The following CDRT15L2 variants were observed in gnomAD, a reference collection of about 807,000 sequenced individuals.
CDRT15L2 encodes the protein CMT1A duplicated region transcript 15 protein-like protein.
A neutral mutation model predicts 21.5 loss-of-function variants in CDRT15L2; 13 were observed. The ratio of observed to expected loss-of-function variants is 0.60; its 90% CI spans 0.39 to 0.96. CDRT15L2 has a LOEUF of 0.96. CDRT15L2 is among the 40% of genes least tolerant of loss of function. CDRT15L2 has a pLI of 0.00. For missense variants in CDRT15L2, 292 were observed against 354.8 expected (o/e 0.82, Z 1.42); for synonymous variants, 121 against 144.9 (o/e 0.84, Z 1.18).
rs1314543551 is a variant in CDRT15L2 at position 20,579,866 on chromosome 17, A to G, written c.123A>G (p.Val41=). 5 of 1,611,590 alleles carry G rather than the reference A, an allele frequency of 3.1e-6. No homozygotes were observed. The Admixed American group carries it at 8.4e-5, about 27-fold the overall frequency. ...IPHPRRLWPF[V]RRRTQVPQDS... The stretch of plus-strand genomic sequence containing the variant: ...ACCCCAGACGCCTGTGGCCCTTTGT[A>G]AGAAGGCGCACCCAGGTACCACAGG... Residue 41 remains valine (V), a synonymous_variant, in exon 1 of 2, where the codon GTA becomes GTG. Coordinates refer to ENST00000399044, the MANE Select transcript of CDRT15L2 (RefSeq NM_001190790.2).
rs1370608076 is a variant in CDRT15L2 at position 20,579,902 on chromosome 17, G to A, written c.159G>A (p.Gly53=). The change falls in exon 1 of 2, where the codon GGG becomes GGA. Residue 53 remains glycine, a synonymous_variant. Transcript: ENST00000399044. The part of the protein sequence containing the change: ...RRTQVPQDSP[G]QALAGQATPE... ...CCCAGGTACCACAGGACAGCCCGGG[G>A]CAGGCCCTAGCTGGCCAGGCCACAC... 1.9e-6 allele frequency: 3 copies of A among 1,604,860 alleles called. No homozygotes were observed. The African/African-American group carries it at 4.0e-5, about 21-fold the overall frequency.
chr17:20,579,818 A>G lies in CDRT15L2; in HGVS notation c.75A>G (p.Gln25=), dbSNP rs1244845053. The change falls in exon 1 of 2, where the codon CAA becomes CAG. Residue 25 remains glutamine, a synonymous_variant. Coordinates refer to ENST00000399044, the MANE Select transcript of CDRT15L2 (RefSeq NM_001190790.2). ...RNGGSESLFR[Q]CRRRLIPHPR... Reference sequence around the variant, plus strand: ...GAGGGAGTGAGAGCCTTTTCCGACAATGCCGAAGAAGGCTCATCCCTCACC... The same window carrying G: ...GAGGGAGTGAGAGCCTTTTCCGACAGTGCCGAAGAAGGCTCATCCCTCACC... The G allele has an allele frequency of 3.1e-6, 5 of 1,611,650 alleles. No homozygotes were observed. The Admixed American group carries it at 8.4e-5, about 27-fold the overall frequency.
In CDRT15L2 at chr17:20,579,907, C is replaced by G; in HGVS notation, c.164C>G (p.Ala55Gly). The change falls in exon 1 of 2, where the codon GCC becomes GGC. Residue 55 changes from alanine (A) to glycine (G), a missense_variant. By Grantham distance (60) the Ala-to-Gly change is moderately conservative. Coordinates refer to ENST00000399044, the MANE Select transcript of CDRT15L2 (RefSeq NM_001190790.2). ...GTACCACAGGACAGCCCGGGGCAGG[C>G]CCTAGCTGGCCAGGCCACACCAGAG... ...TQVPQDSPGQ[A>G]LAGQATPEIP... is the part of the protein sequence containing the mutation. The G allele has an allele frequency of 6.2e-7, 1 of 1,604,082 alleles. No homozygotes were observed. The highest frequency in any genetic ancestry group is 8.5e-7 in the Non-Finnish European group (1 of 1,175,200).
At position 20,580,422 on chromosome 17, in the gene CDRT15L2, A is replaced by G; in HGVS notation, c.539A>G (p.His180Arg). Residue 180 changes from histidine to arginine, a missense_variant, in exon 2 of 2, where the codon CAT (histidine) becomes CGT (arginine). His to Arg is a conservative substitution (Grantham distance 29). Transcript: ENST00000399044. ...TCCCATGCTGCCCCTAGTCCTGGGC[A>G]TGGTGGCAAACATGGAGGCGGAGAC... ...SRSHAAPSPG[H>R]GGKHGGGDQG... 6.5e-7 allele frequency: 1 copy of G among 1,545,776 alleles called. No homozygotes were observed. The highest frequency in any genetic ancestry group is 2.4e-5 in the East Asian group (1 of 40,856).
chr17:20,580,664 A>C lies in CDRT15L2; in HGVS notation c.781A>C (p.Lys261Gln). The change falls in exon 2 of 2, where the codon AAG becomes CAG. Residue 261 changes from lysine to glutamine, a missense_variant. By Grantham distance (53) the Lys-to-Gln change is moderately conservative (BLOSUM62 1). Coordinates refer to ENST00000399044, the MANE Select transcript of CDRT15L2 (RefSeq NM_001190790.2). ...LRRNLLLQAW[K>Q]CVCNWASRLF... Reference sequence around the variant, plus strand: ...ACGCAATCTTCTCCTCCAGGCATGGAAGTGTGTCTGCAACTGGGCATCCAG... The same window carrying C: ...ACGCAATCTTCTCCTCCAGGCATGGCAGTGTGTCTGCAACTGGGCATCCAG... 1 of 1,558,716 alleles carries C rather than the reference A, an allele frequency of 6.4e-7. No individual in the cohort carries two copies. The highest frequency in any genetic ancestry group is 8.7e-7 in the Non-Finnish European group (1 of 1,150,346).
rs1456480156 is a variant in CDRT15L2 at position 20,580,842 on chromosome 17, A to T, written c.*113A>T. On this transcript the variant is annotated 3_prime_UTR_variant, in exon 2 of 2. Coordinates refer to ENST00000399044, the MANE Select transcript of CDRT15L2 (RefSeq NM_001190790.2). ...TCTCCATGCCACCACCTGCCCTAGC[A>T]TTTATTAATAGTGTTAGAATTACAA... 4.7e-6 allele frequency: 3 copies of T among 633,698 alleles called. No homozygotes were observed. Among genetic ancestry groups the T allele is most frequent in the Non-Finnish European group, 8.3e-6 (3 of 359,608 alleles). The allele number at this position is 633,698 out of a possible 1,614,324, so 39.3% of individuals were successfully genotyped here.
At position 20,580,384 on chromosome 17, in the gene CDRT15L2, C is replaced by T. The variant is rs778212142; in HGVS notation, c.501C>T (p.Ala167=). 1.0e-4 allele frequency: 157 copies of T among 1,513,600 alleles called. No homozygotes were observed. The highest frequency in any genetic ancestry group is 4.1e-5 in the Admixed American group (2 of 48,278). 93.8% of individuals were successfully genotyped at this position (1,513,600 alleles called of 1,614,324 possible). ...GGAGGGAGGGGGTGACAAGCACAGC[C>T]CCAGCCAGCAGATCCCATGCTGCCC... is the stretch of plus-strand genomic sequence containing the variant. ...RSGREGVTST[A]PASRSHAAPS... The change falls in exon 2 of 2, where the codon GCC becomes GCT. Residue 167 remains alanine (A), a synonymous_variant. Coordinates refer to ENST00000399044, the MANE Select transcript of CDRT15L2 (RefSeq NM_001190790.2).
Position 20,580,515 on chromosome 17 carries a change from C to T in CDRT15L2, c.632C>T (p.Ala211Val), listed in dbSNP as rs990834821. Residue 211 changes from alanine (A) to valine (V), a missense_variant, in exon 2 of 2, where the codon GCC becomes GTC. Transcript: ENST00000399044. The part of the protein sequence containing the change: ...ERLLSFAGTT[A>V]LLLQGLFIVL... ...CTTCTCTCATTCGCCGGAACCACAG[C>T]CCTGCTGCTGCAGGGCCTGTTTATT... 7.1e-6 allele frequency: 11 copies of T among 1,550,716 alleles called. No individual in the cohort carries two copies. The Admixed American group carries it at 9.8e-5, about 14-fold the overall frequency.
At position 20,580,539 on chromosome 17, in the gene CDRT15L2, T is replaced by C; in HGVS notation, c.656T>C (p.Ile219Thr). The part of the protein sequence containing the change: ...TTALLLQGLF[I>T]VLILVGYISV... ...GCCCTGCTGCTGCAGGGCCTGTTTATTGTGCTAATTCTGGTGGGGTATATC... is the reference window on the plus strand; with the variant it reads ...GCCCTGCTGCTGCAGGGCCTGTTTACTGTGCTAATTCTGGTGGGGTATATC... Residue 219 changes from isoleucine (I) to threonine (T), a missense_variant, in exon 2 of 2, where the codon ATT becomes ACT. By Grantham distance (89) the Ile-to-Thr change is moderately conservative (BLOSUM62 -1). Transcript: ENST00000399044. The C allele has an allele frequency of 6.4e-7, 1 of 1,550,998 alleles. No individual in the cohort carries two copies. The highest frequency in any genetic ancestry group is 8.7e-7 in the Non-Finnish European group (1 of 1,147,002).
In CDRT15L2 at chr17:20,579,842, C is replaced by T. The variant is rs1165604815; in HGVS notation, c.99C>T (p.His33=). 1 of 1,612,466 alleles carries T rather than the reference C, an allele frequency of 6.2e-7. No individual in the cohort carries two copies. The highest frequency in any genetic ancestry group is 1.1e-5 in the South Asian group (1 of 90,842). The part of the protein sequence containing the change: ...FRQCRRRLIP[H]PRRLWPFVRR... The stretch of plus-strand genomic sequence containing the variant: ...AATGCCGAAGAAGGCTCATCCCTCA[C>T]CCCAGACGCCTGTGGCCCTTTGTAA... Residue 33 remains histidine (H), a synonymous_variant, in exon 1 of 2, where the codon CAC becomes CAT. Transcript: ENST00000399044.
rs1281646347 is a variant in CDRT15L2, at chr17:20,580,244, G to A, written c.361G>A (p.Val121Met). The change falls in exon 2 of 2, where the codon GTG (valine) becomes ATG (methionine). Residue 121 changes from valine to methionine, a missense_variant. Val to Met is a conservative substitution (Grantham distance 21, BLOSUM62 1). Transcript: ENST00000399044. ...GCCCCCTCCAGAGAGAGCGCTGGAG[G>A]TGGAGGGAGCTCCAGCCAAGGACCA... ...EEPPPERALE[V>M]EGAPAKDQPS... 6.1e-6 allele frequency: 9 copies of A among 1,475,774 alleles called. No homozygotes were observed. Among genetic ancestry groups the A allele is most frequent in the Admixed American group, 5.1e-5 (2 of 39,294 alleles). The allele number at this position is 1,475,774 out of a possible 1,614,324, so 91.4% of individuals were successfully genotyped here.
chr17:20,579,876 A>G lies in CDRT15L2; in HGVS notation c.133A>G (p.Thr45Ala). Residue 45 changes from threonine (T) to alanine (A), a missense_variant, in exon 1 of 2, where the codon ACC (threonine) becomes GCC (alanine). By Grantham distance (58) the Thr-to-Ala change is moderately conservative. Coordinates refer to ENST00000399044, the MANE Select transcript of CDRT15L2 (RefSeq NM_001190790.2). ...CCTGTGGCCCTTTGTAAGAAGGCGCACCCAGGTACCACAGGACAGCCCGGG... is the reference window on the plus strand; with the variant it reads ...CCTGTGGCCCTTTGTAAGAAGGCGCGCCCAGGTACCACAGGACAGCCCGGG... ...RRLWPFVRRR[T>A]QVPQDSPGQA... The G allele has an allele frequency of 6.2e-7, 1 of 1,611,006 alleles. No individual in the cohort carries two copies. Among genetic ancestry groups the G allele is most frequent in the Non-Finnish European group, 8.5e-7 (1 of 1,178,726 alleles).
In CDRT15L2 at chr17:20,580,320, T is replaced by G. The variant is rs2142542134; in HGVS notation, c.437T>G (p.Leu146Arg). The G allele has an allele frequency of 6.8e-7, 1 of 1,478,772 alleles. No homozygotes were observed. The allele number at this position is 1,478,772 out of a possible 1,614,324, so 91.6% of individuals were successfully genotyped here. Residue 146 changes from leucine (L) to arginine (R), a missense_variant, in exon 2 of 2, where the codon CTT becomes CGT. Transcript: ENST00000399044. ...EIMAPTVATG[L>R]NAGAENVAGE... ...ATGGCACCTACTGTAGCCACTGGCC[T>G]TAATGCTGGAGCTGAAAACGTGGCT...
At position 20,580,812 on chromosome 17, in the gene CDRT15L2, CA is replaced by C. The variant is rs1427650525; in HGVS notation, c.*84del. 1 of 847,182 alleles carries C rather than the reference CA, an allele frequency of 1.2e-6. No homozygotes were observed. Among genetic ancestry groups the C allele is most frequent in the Non-Finnish European group, 1.8e-6 (1 of 547,810 alleles). The allele number at this position is 847,182 out of a possible 1,614,324, so 52.5% of individuals were successfully genotyped here. On this transcript the variant is annotated 3_prime_UTR_variant, in exon 2 of 2. Transcript: ENST00000399044. ...GCTTTTAAAGACAGCTGTTGTGCTC[CA>C]GGCTCTCCATGCCACCACCTGCCCT...
At position 20,580,738 on chromosome 17, in the gene CDRT15L2, C is replaced by G. The variant is rs1368001899; in HGVS notation, c.*9C>G. On this transcript the variant is annotated 3_prime_UTR_variant, in exon 2 of 2. Coordinates refer to ENST00000399044, the MANE Select transcript of CDRT15L2 (RefSeq NM_001190790.2). ...CCCGAACGGGCTCTTAACAGGTGGG[C>G]AGGGGTTGAGGGGACCAGGAGGTGG... The G allele has an allele frequency of 6.4e-7, 1 of 1,557,488 alleles. No homozygotes were observed. The highest frequency in any genetic ancestry group is 1.9e-5 in the Admixed American group (1 of 51,730).
Position 20,580,502 on chromosome 17 carries a change from G to A in CDRT15L2, c.619G>A (p.Ala207Thr), listed in dbSNP as rs761533381. 1.2e-5 allele frequency: 19 copies of A among 1,550,698 alleles called. No individual in the cohort carries two copies. The East Asian group carries it at 2.9e-4, about 24-fold the overall frequency. The change falls in exon 2 of 2, where the codon GCC (alanine) becomes ACC (threonine). Residue 207 changes from alanine (A) to threonine (T), a missense_variant. Coordinates refer to ENST00000399044, the MANE Select transcript of CDRT15L2 (RefSeq NM_001190790.2). Reference protein sequence around the residue: ...YLAGERLLSFAGTTALLLQGL... With the variant: ...YLAGERLLSFTGTTALLLQGL... ...CGCTGGAGAGAGGCTTCTCTCATTC[G>A]CCGGAACCACAGCCCTGCTGCTGCA... is the stretch of plus-strand genomic sequence containing the variant.
In CDRT15L2 at chr17:20,579,743, G is replaced by A; in HGVS notation, c.-1G>A. On this transcript the variant is annotated 5_prime_UTR_variant, in exon 1 of 2. Transcript: ENST00000399044. ...TTGTGGGAGACGCTCAAGAGAGCAA[G>A]ATGTTCTCCTGTTGCTTCCCCACTT... The A allele has an allele frequency of 6.3e-7, 1 of 1,598,366 alleles. No individual in the cohort carries two copies. The highest frequency in any genetic ancestry group is 8.5e-7 in the Non-Finnish European group (1 of 1,173,528).
Position 20,579,882 on chromosome 17 carries a change from G to A in CDRT15L2, c.139G>A (p.Val47Ile). The A allele has an allele frequency of 6.2e-7, 1 of 1,610,606 alleles. No homozygotes were observed. Among genetic ancestry groups the A allele is most frequent in the Non-Finnish European group, 8.5e-7 (1 of 1,178,492 alleles). ...GCCCTTTGTAAGAAGGCGCACCCAG[G>A]TACCACAGGACAGCCCGGGGCAGGC... The part of the protein sequence containing the change: ...LWPFVRRRTQ[V>I]PQDSPGQALA... Residue 47 changes from valine (V) to isoleucine (I), a missense_variant, in exon 1 of 2, where the codon GTA becomes ATA. Transcript: ENST00000399044.
rs2142542533 is a variant in CDRT15L2 at position 20,580,524 on chromosome 17, T to G, written c.641T>G (p.Leu214Arg). 1 of 1,550,686 alleles carries G rather than the reference T, an allele frequency of 6.4e-7. No individual in the cohort carries two copies. Among genetic ancestry groups the G allele is most frequent in the South Asian group, 1.2e-5 (1 of 84,028 alleles). The change falls in exon 2 of 2, where the codon CTG becomes CGG. Residue 214 changes from leucine (L) to arginine (R), a missense_variant. Leu to Arg is a moderately radical substitution (Grantham distance 102). Coordinates refer to ENST00000399044, the MANE Select transcript of CDRT15L2 (RefSeq NM_001190790.2). ...TTCGCCGGAACCACAGCCCTGCTGC[T>G]GCAGGGCCTGTTTATTGTGCTAATT... Reference protein sequence around the residue: ...LSFAGTTALLLQGLFIVLILV... With the variant: ...LSFAGTTALLRQGLFIVLILV...
Sources: allele counts gnomAD v4.1 joint callset, GRCh38; gene constraint gnomAD v4.1.1; transcripts MANE v1.5; gene names NCBI Gene and HGNC (gene_info 2026-07-23, HGNC 2026-07-21).